The following NEBL variants were observed in gnomAD, a reference collection of about 807,000 sequenced individuals.
NEBL encodes nebulette.
NEBL carries 122 observed loss-of-function variants against 140.2 expected under a neutral mutation model. The observed-to-expected ratio is 0.87, with a 90% CI of 0.75 to 1.01. The LOEUF is 1.01. Among genes scored for constraint, NEBL ranks in the 50% least tolerant of loss-of-function variants. The pLI is 0.00. For missense variants in NEBL, 1,365 were observed against 1,231.3 expected, an observed-to-expected ratio of 1.11 and a Z score of -1.62; for synonymous variants, 436 against 398.9, an observed-to-expected ratio of 1.09 and a Z score of -1.11.
At chr10:21,151,672 C>T (rs1589288605) in intron 2 of NEBL, among the ~76,000 whole-genome samples, 1 of 152,130 alleles carries the variant, frequency 6.6e-6, no homozygotes, top group Admixed American at 6.5e-5. Flanking sequence ...CTCCTTTCCA[C>T]ACAGGCTTCC....
At chr10:20,809,744 C>CACTTTTGGG (rs1837944620) in intron 25 of NEBL, 62 bp downstream of exon 25, 1 of 1,273,326 alleles carries the variant, frequency 7.9e-7, no homozygotes, top group Admixed American at 1.7e-5. Context: ...CTCTACAGTT[C>CACTTTTGGG]ACAGTGGTTC....
chr10:21,261,021 G>C (rs773535190), intron 1 of NEBL, among the ~76,000 whole-genome samples: 3 of 152,118 alleles, frequency 2.0e-5, no homozygotes, highest in Non-Finnish European at 4.4e-5. Context: ...GGATGGCAAG[G>C]CATGCTTTGA....
At chr10:20,922,423 AGT>A (rs1833637709) in intron 4 of NEBL, among the ~76,000 whole-genome samples, 1 of 152,216 alleles carries the variant, frequency 6.6e-6, no homozygotes, top group Non-Finnish European at 1.5e-5. Flanking sequence ...AAATTCATAG[AGT>A]GTCACTTTAC....
At chr10:20,833,968 C>T (rs992594391) in intron 14 of NEBL, among the ~76,000 whole-genome samples, 5 of 151,980 alleles carry the variant, frequency 3.3e-5, no homozygotes, top group African/African-American at 1.2e-4. Flanking sequence ...TTGGTTGGCG[C>T]CATTTGAAGA....
intron 16 of NEBL, 166 bp downstream of exon 16, chr10:20,831,030 A>T (rs997951247): frequency 1.5e-6 from 1 of 654,394 alleles, no homozygotes; most frequent in Non-Finnish European, 2.8e-6. Flanking sequence ...CTGTTGTCCT[A>T]TTAATTAGTA....
chr10:20,798,431 T>C (rs1329405525), intron 26 of NEBL, among the ~76,000 whole-genome samples: 9 of 152,190 alleles, frequency 5.9e-5, no homozygotes, highest in African/African-American at 2.2e-4. Flanking sequence ...GAGATCACAT[T>C]ATGACTCTAC....
chr10:21,076,126 T>C (rs1428728067), intron 2 of NEBL, among the ~76,000 whole-genome samples: 1 of 151,986 alleles, frequency 6.6e-6, no homozygotes, highest in Non-Finnish European at 1.5e-5. Flanking sequence ...AAAAACTGTA[T>C]AGCAATTCCT....
intron 3 of NEBL, among the ~76,000 whole-genome samples, chr10:21,184,750 A>G (rs925693550): frequency 6.6e-6 from 1 of 152,262 alleles, no homozygotes; most frequent in Non-Finnish European, 1.5e-5. Flanking sequence ...ATTTTATGAC[A>G]TAAGAAGATG....
intron 2 of NEBL, among the ~76,000 whole-genome samples, chr10:21,026,223 C>A (rs3858201): frequency 2.0e-5 from 3 of 151,892 alleles, no homozygotes; most frequent in Non-Finnish European, 4.4e-5. Flanking sequence ...AGGCAACGTC[C>A]GGAGACATTT....
At chr10:20,828,030 T>C (rs1840050025) in intron 17 of NEBL, among the ~76,000 whole-genome samples, 1 of 151,794 alleles carries the variant, frequency 6.6e-6, no homozygotes, top group Non-Finnish European at 1.5e-5. Context: ...ATGACACAAG[T>C]TTACCTATGT....
chr10:20,936,468 C>G (rs892313155), intron 4 of NEBL, among the ~76,000 whole-genome samples: 1 of 152,214 alleles, frequency 6.6e-6, no homozygotes, highest in African/African-American at 2.4e-5. Context: ...AATCCAAATT[C>G]AGTCTGCTTG....
chr10:21,226,514 T>A (rs1053829224), intron 3 of NEBL, among the ~76,000 whole-genome samples: 4 of 152,192 alleles, frequency 2.6e-5, no homozygotes, highest in African/African-American at 9.7e-5. Flanking sequence ...CCAGAGCACT[T>A]TAGCCCATGG....
In NEBL at chr10:20,825,081, A is replaced by G. The variant is rs1839705548; in HGVS notation, c.1869+1366T>C. ...TCAAGAGACAGCTCCATGGTGCTAC[A>G]GAGGTTTTATTGCACTCATATTCTG... On this transcript the variant is annotated intron_variant, in intron 18 of 27. Transcript: ENST00000377122. 1.3e-5 allele frequency among the ~76,000 whole-genome samples: 2 copies of G among 152,176 alleles called. 1 individual carries two copies. Among genetic ancestry groups the G allele is most frequent in the South Asian group, 4.1e-4 (2 of 4,824 alleles).
chr10:20,937,444 G>C lies in NEBL; in HGVS notation c.357+24228C>G, dbSNP rs45473194. On this transcript the variant is annotated intron_variant, in intron 4 of 6. Coordinates refer to the NEBL transcript ENST00000417816. Reference sequence around the variant, plus strand: ...GCTGAAACAGGTCACTTCAAAAGTTGAAAGAGCCAGGGGGTGGAGACAAGA... The same window carrying C: ...GCTGAAACAGGTCACTTCAAAAGTTCAAAGAGCCAGGGGGTGGAGACAAGA... Among the ~76,000 whole-genome samples, 772 of 152,214 alleles carry C rather than the reference G, an allele frequency of 5.1e-3. 5 individuals are homozygous for C. Among genetic ancestry groups the C allele is most frequent in the Non-Finnish European group, 9.2e-3 (624 of 67,996 alleles).
In NEBL at chr10:20,904,233, T is replaced by C. The variant is rs144014129; in HGVS notation, c.357+57439A>G. 2.7e-3 allele frequency among the ~76,000 whole-genome samples: 413 copies of C among 152,326 alleles called. 2 individuals are homozygous for C. Among genetic ancestry groups the C allele is most frequent in the African/African-American group, 9.7e-3 (403 of 41,582 alleles). On this transcript the variant is annotated intron_variant, in intron 4 of 6. Coordinates refer to the NEBL transcript ENST00000417816. The stretch of plus-strand genomic sequence containing the variant: ...TGTAGCTGTGTTCTTGGGAAGGCAA[T>C]TGAGTACTGTCCATGAGACAGACCC...
upstream of NEBL, among the ~76,000 whole-genome samples, chr10:21,175,992 C>CT (rs960209478): frequency 5.1e-3 from 739 of 145,422 alleles, 6 homozygotes; most frequent in East Asian, 0.037. Context: ...TATGTTTAAT[C>CT]TTTTTTTTTT....
intron 5 of NEBL, among the ~76,000 whole-genome samples, chr10:20,870,540 A>C (rs1748583024): frequency 6.6e-6 from 1 of 152,102 alleles, no homozygotes; most frequent in African/African-American, 2.4e-5. Flanking sequence ...AGTGGGTGCA[A>C]GATAAGCCCA....
chr10:20,837,878 G>A (rs1171985135), intron 13 of NEBL, among the ~76,000 whole-genome samples: 1 of 152,176 alleles, frequency 6.6e-6, no homozygotes, highest in Non-Finnish European at 1.5e-5. Flanking sequence ...CTGGATGACA[G>A]CACATTTGTT....
chr10:20,848,581 C>T (rs562099516), intron 11 of NEBL, among the ~76,000 whole-genome samples: 17 of 152,182 alleles, frequency 1.1e-4, no homozygotes, highest in African/African-American at 3.4e-4. Context: ...GTCAGATCAG[C>T]GGTGGCATTA....
Sources: gnomAD v4.1 joint callset for allele counts (sites outside exome capture counted in the v4.1 genomes callset) on GRCh38, gnomAD v4.1.1 for gene constraint, MANE v1.5 for transcripts, NCBI Gene and HGNC (gene_info 2026-07-23, HGNC 2026-07-21) for gene names.